The following MYRIP variants were observed in gnomAD, a reference collection of about 807,000 sequenced individuals.
MYRIP encodes the protein myosin VIIA and Rab interacting protein, also known as rab effector MyRIP.
MYRIP carries 49 observed loss-of-function variants against 98.0 expected under a neutral mutation model. That is an observed-to-expected ratio of 0.50 (90% confidence interval 0.40 to 0.63). MYRIP has a LOEUF of 0.63. Among genes scored for constraint, MYRIP ranks in the 30% least tolerant of loss-of-function variants. The probability of loss-of-function intolerance (pLI) is 0.00; values close to 1 mark genes in which losing one functional copy is unlikely to be tolerated. For synonymous variants in MYRIP, 404 were observed against 409.5 expected (o/e 0.99, Z 0.16); for missense variants, 1,004 against 1,058.2 (o/e 0.95, Z 0.71).
chr3:40,032,180 T>A (rs1019705649), intron 2 of MYRIP, among the ~76,000 whole-genome samples: 2 of 152,142 alleles, frequency 1.3e-5, no homozygotes, highest in Non-Finnish European at 2.9e-5. Flanking sequence ...GAGATTCTGG[T>A]ATGTTGTGTC....
chr3:39,814,687 T>G (rs1419848830), intron 1 of MYRIP, among the ~76,000 whole-genome samples: 1 of 152,234 alleles, frequency 6.6e-6, no homozygotes, highest in Non-Finnish European at 1.5e-5. Flanking sequence ...TTTCATTTAA[T>G]TATTAAAGCT....
chr3:40,136,103 G>T (rs190426002), intron 3 of MYRIP, among the ~76,000 whole-genome samples: 1 of 152,272 alleles, frequency 6.6e-6, no homozygotes, highest in African/African-American at 2.4e-5. Context: ...TGGATAAAGA[G>T]TCAAGACCCA....
At chr3:40,252,144 G>C (rs1451878006) in intron 16 of MYRIP, 145 bp downstream of exon 16, 6 of 654,290 alleles carry the variant, frequency 9.2e-6, no homozygotes, top group Middle Eastern at 2.5e-4. Context: ...GATTTGACTG[G>C]GGGGTGGACT....
chr3:40,171,609 T>C (rs1950614816), intron 8 of MYRIP, among the ~76,000 whole-genome samples: 1 of 152,252 alleles, frequency 6.6e-6, no homozygotes, highest in Non-Finnish European at 1.5e-5. Context: ...GCTTGGGCTC[T>C]GTCTCTGCCA....
intron 2 of MYRIP, among the ~76,000 whole-genome samples, chr3:39,961,796 G>T (rs1945330989): frequency 6.6e-6 from 1 of 152,076 alleles, no homozygotes; most frequent in Non-Finnish European, 1.5e-5. Flanking sequence ...TGAGATATCT[G>T]CTTCTCATTA....
intron 11 of MYRIP, among the ~76,000 whole-genome samples, chr3:40,224,233 C>A (rs1296243261): frequency 6.6e-6 from 1 of 152,136 alleles, no homozygotes; most frequent in Non-Finnish European, 1.5e-5. Context: ...CAGGACCTTA[C>A]ATTATGAAGA....
chr3:40,027,438 A>G (rs577833518), intron 2 of MYRIP, among the ~76,000 whole-genome samples: 11 of 151,924 alleles, frequency 7.2e-5, no homozygotes, highest in Admixed American at 2.6e-4. Context: ...TCTCCCCCCA[A>G]TACTAAGCTC....
At chr3:40,218,436 G>A (rs11712626) in intron 11 of MYRIP, among the ~76,000 whole-genome samples, 47,210 of 151,076 alleles carry the variant, frequency 0.31, 8,285 homozygotes, top group East Asian at 0.57. Context: ...GAGACATAAG[G>A]GAATTTTTTG....
chr3:39,949,120 T>C (rs894686982), intron 2 of MYRIP, among the ~76,000 whole-genome samples: 3 of 152,144 alleles, frequency 2.0e-5, no homozygotes, highest in African/African-American at 7.2e-5. Context: ...GCAAAAATAC[T>C]GAAAGAGATC....
intron 1 of MYRIP, among the ~76,000 whole-genome samples, chr3:39,820,181 CA>C (rs913953871): frequency 1.7e-4 from 26 of 152,170 alleles, no homozygotes; most frequent in African/African-American, 5.5e-4. Context: ...GGCTATTTGC[CA>C]AAAGCCTCAA....
At chr3:40,001,123 A>G (rs1406583176) in intron 2 of MYRIP, among the ~76,000 whole-genome samples, 2 of 152,226 alleles carry the variant, frequency 1.3e-5, no homozygotes, top group Non-Finnish European at 2.9e-5. Context: ...AAGCATAACT[A>G]TCCTAATGCT....
rs571130950 is a variant in MYRIP at position 39,899,133 on chromosome 3, C to T, written c.-30-1654C>T. On this transcript the variant is annotated intron_variant, in intron 1 of 16. Coordinates refer to ENST00000302541, the MANE Select transcript of MYRIP (RefSeq NM_015460.4). ...AGTACCACATTCCACTTTGGTTTTACCACACTTATTCCTAGACAATAATTT... is the reference window on the plus strand; with the variant it reads ...AGTACCACATTCCACTTTGGTTTTATCACACTTATTCCTAGACAATAATTT... 9.2e-5 allele frequency among the ~76,000 whole-genome samples: 14 copies of T among 152,218 alleles called. No individual in the cohort carries two copies. In the East Asian group the frequency reaches 2.7e-3, roughly 29 times the overall value.
At chr3:40,244,349 T>C in intron 12 of MYRIP, 97 bp from the exon 13 acceptor site, 2 of 1,091,854 alleles carry the variant, frequency 1.8e-6, no homozygotes, top group Non-Finnish European at 2.6e-6. Context: ...TGAAGTCCAG[T>C]TATCTCACTC....
chr3:39,843,917 C>T (rs1256111336), intron 1 of MYRIP, among the ~76,000 whole-genome samples: 1 of 152,178 alleles, frequency 6.6e-6, no homozygotes, highest in African/African-American at 2.4e-5. Context: ...TGGACTCATG[C>T]ATAACCATGT....
At chr3:39,880,421 A>G (rs747041001) in intron 1 of MYRIP, among the ~76,000 whole-genome samples, 10 of 152,272 alleles carry the variant, frequency 6.6e-5, no homozygotes, top group Non-Finnish European at 7.3e-5. Flanking sequence ...AAAAATGATA[A>G]AAGCTGCATA....
chr3:40,137,359 C>T lies in MYRIP; in HGVS notation c.333-13689C>T, dbSNP rs376359997. On this transcript the variant is annotated intron_variant, in intron 3 of 16. Transcript: ENST00000302541. ...GAAGAAGTTGAATCTCTGAATAGAC[C>T]AATAACAGGAGCTGAAATTGTGGCA... 9.9e-5 allele frequency among the ~76,000 whole-genome samples: 15 copies of T among 152,222 alleles called. No individual in the cohort carries two copies. The East Asian group carries it at 2.3e-3, about 24-fold the overall frequency.
intron 11 of MYRIP, among the ~76,000 whole-genome samples, chr3:40,229,879 G>A (rs1952600368): frequency 6.6e-6 from 1 of 152,142 alleles, no homozygotes; most frequent in Non-Finnish European, 1.5e-5. Flanking sequence ...CCTGTGGTGG[G>A]TTAACAGCTC....
chr3:39,885,393 A>T (rs1431966584), intron 1 of MYRIP, among the ~76,000 whole-genome samples: 2 of 151,866 alleles, frequency 1.3e-5, no homozygotes, highest in Non-Finnish European at 2.9e-5. Flanking sequence ...CTTCCCTTTG[A>T]GGGTAACCCA....
chr3:40,196,293 C>T (rs1397729163), intron 10 of MYRIP, among the ~76,000 whole-genome samples: 1 of 151,850 alleles, frequency 6.6e-6, no homozygotes, highest in African/African-American at 2.4e-5. Flanking sequence ...TTCTTGTTTT[C>T]ATACATGTTT....
Sources: allele counts gnomAD v4.1 joint callset (sites outside exome capture counted in the v4.1 genomes callset), GRCh38; gene constraint gnomAD v4.1.1; transcripts MANE v1.5; gene names NCBI Gene and HGNC (gene_info 2026-07-23, HGNC 2026-07-21).